Variants in COL4A2 observed in about 807,000 individuals in gnomAD.
COL4A2 encodes collagen type IV alpha 2 chain, also known as collagen alpha-2(IV) chain.
In COL4A2, 99 loss-of-function variants were observed where a neutral mutation model predicts 200.2. The ratio of observed to expected loss-of-function variants is 0.49; its 90% CI spans 0.42 to 0.58. COL4A2 has a LOEUF of 0.58. Ranked by LOEUF, COL4A2 falls within the 20% of genes least tolerant of loss-of-function variation. The pLI, the probability that COL4A2 is intolerant of heterozygous loss-of-function variation, is 0.00. For missense variants in COL4A2, 1,950 were observed against 2,314.1 expected, an observed-to-expected ratio of 0.84 and a Z score of 3.23; for synonymous variants, 897 against 900.6, an observed-to-expected ratio of 1.00 and a Z score of 0.07.
chr13:110,511,671 G>A (rs759889789), intron 47 of COL4A2, among the ~76,000 whole-genome samples: 4 of 152,258 alleles, frequency 2.6e-5, no homozygotes, highest in Non-Finnish European at 5.9e-5. Context: ...TTACCGAACG[G>A]CCAGCCTGGC....
At chr13:110,421,174 G>T (rs974831775) in intron 4 of COL4A2, among the ~76,000 whole-genome samples, 1 of 152,176 alleles carries the variant, frequency 6.6e-6, no homozygotes, top group African/African-American at 2.4e-5. Context: ...TGTGGAAAAA[G>T]AAATTTAGCA....
chr13:110,452,848 C>T (rs749319744), intron 20 of COL4A2, among the ~76,000 whole-genome samples: 3 of 152,084 alleles, frequency 2.0e-5, no homozygotes, highest in Non-Finnish European at 4.4e-5. Context: ...CTGCAACCTC[C>T]ACCTCGTGGG....
intron 3 of COL4A2, among the ~76,000 whole-genome samples, chr13:110,336,164 C>T (rs556119610): frequency 6.6e-6 from 1 of 152,292 alleles, no homozygotes; most frequent in African/African-American, 2.4e-5. Context: ...TGCTCTAATA[C>T]ATTGAAGTAG....
At chr13:110,491,438 C>G in intron 37 of COL4A2, 98 bp downstream of exon 37, 1 of 837,346 alleles carries the variant, frequency 1.2e-6, no homozygotes. Flanking sequence ...CAATCACACC[C>G]AACCCTGGAA....
chr13:110,387,581 G>T lies in COL4A2; in HGVS notation c.180+30029G>T, dbSNP rs140317319. ...AGGCAGCCCAGCAGTCGGGGGCCCC[G>T]AGCTGGGGAGGAACGCAGGCGGCTG... On this transcript the variant is annotated intron_variant, in intron 4 of 47. Coordinates refer to ENST00000360467, the MANE Select transcript of COL4A2 (RefSeq NM_001846.4). Among the ~76,000 whole-genome samples, 642 of 152,378 alleles carry T rather than the reference G, an allele frequency of 4.2e-3. 5 individuals carry two copies. The highest frequency in any genetic ancestry group is 6.9e-3 in the Non-Finnish European group (469 of 68,032).
At chr13:110,360,707 C>T (rs145851347) in intron 4 of COL4A2, among the ~76,000 whole-genome samples, 5 of 152,294 alleles carry the variant, frequency 3.3e-5, no homozygotes, top group African/African-American at 1.2e-4. Context: ...GTTATCCAGA[C>T]GGGTTATCAA....
At chr13:110,470,604 C>A (rs1200259738) in intron 28 of COL4A2, among the ~76,000 whole-genome samples, 1 of 152,150 alleles carries the variant, frequency 6.6e-6, no homozygotes, top group Non-Finnish European at 1.5e-5. Context: ...CTTCTAGGAC[C>A]CCCACTTATC....
chr13:110,456,844 G>A (rs751620217), intron 20 of COL4A2: 17 of 455,998 alleles, frequency 3.7e-5, no homozygotes, highest in African/African-American at 2.4e-4. Context: ...CCAGGCGTCC[G>A]TGGGGCTGAT....
intron 3 of COL4A2, among the ~76,000 whole-genome samples, chr13:110,318,193 A>G (rs935959191): frequency 6.6e-6 from 1 of 152,204 alleles, no homozygotes. Context: ...CGTTCATTAA[A>G]TGAACATGTC....
chr13:110,359,948 G>A (rs368876726), intron 4 of COL4A2, among the ~76,000 whole-genome samples: 2 of 152,196 alleles, frequency 1.3e-5, no homozygotes, highest in Non-Finnish European at 2.9e-5. Flanking sequence ...CTGCTGTGGG[G>A]ACTTTATGGT....
intron 4 of COL4A2, among the ~76,000 whole-genome samples, chr13:110,393,170 A>G (rs1385112482): frequency 6.6e-6 from 1 of 152,258 alleles, no homozygotes; most frequent in Non-Finnish European, 1.5e-5. Flanking sequence ...AATGCTGAAT[A>G]CAGTTCATCT....
intron 4 of COL4A2, among the ~76,000 whole-genome samples, chr13:110,379,182 G>A (rs918233739): frequency 6.6e-6 from 1 of 152,182 alleles, no homozygotes; most frequent in African/African-American, 2.4e-5. Context: ...TGTGGAGAGG[G>A]TGTTTCTGGC....
chr13:110,325,705 G>A (rs1370972805), intron 3 of COL4A2, among the ~76,000 whole-genome samples: 1 of 152,136 alleles, frequency 6.6e-6, no homozygotes, highest in African/African-American at 2.4e-5. Flanking sequence ...TTCGGGACAC[G>A]GAAGCTACAC....
Position 110,438,679 on chromosome 13 carries a change from C to T in COL4A2, c.912+11C>T. On this transcript the variant is annotated intron_variant, in intron 15 of 47. Coordinates refer to ENST00000360467, the MANE Select transcript of COL4A2 (RefSeq NM_001846.4). ...TTTCCTGGACTGAGGGTAAACCACG[C>T]CTTTTATAACTGCAGTTGTCGGTTT... The T allele has an allele frequency of 3.7e-6, 6 of 1,614,134 alleles. No individual in the cohort carries two copies. Among genetic ancestry groups the T allele is most frequent in the Non-Finnish European group, 5.1e-6 (6 of 1,180,000 alleles).
intron 4 of COL4A2, among the ~76,000 whole-genome samples, chr13:110,390,803 G>A (rs1392682586): frequency 1.3e-5 from 2 of 152,166 alleles, no homozygotes; most frequent in Admixed American, 6.5e-5. Context: ...TGAGTAATCC[G>A]CTTGTTTAGG....
At chr13:110,477,981 C>G in intron 29 of COL4A2, 22 bp from the exon 30 acceptor site, 1 of 1,534,220 alleles carries the variant, frequency 6.5e-7, no homozygotes, top group South Asian at 1.2e-5. Flanking sequence ...GCCCCCACAG[C>G]TCTTGTCTCT....
chr13:110,504,621 T>C (rs1265791789), intron 45 of COL4A2, among the ~76,000 whole-genome samples: 1 of 152,196 alleles, frequency 6.6e-6, no homozygotes, highest in African/African-American at 2.4e-5. Context: ...TTTTTCTTTT[T>C]TGGACAGAGT....
At chr13:110,474,676 TAC>T (rs113248165) in intron 29 of COL4A2, among the ~76,000 whole-genome samples, 2 of 56,024 alleles carry the variant, frequency 3.6e-5, no homozygotes, top group Admixed American at 1.7e-4. Context: ...TCACACTCCT[TAC>T]ACACGTACCC....
In COL4A2 at chr13:110,497,940, C is replaced by G. The variant is rs1229508107; in HGVS notation, c.3760+2473C>G. Among the ~76,000 whole-genome samples the G allele has an allele frequency of 3.5e-4, 32 of 92,276 alleles. 1 individual carries two copies. Among genetic ancestry groups the G allele is most frequent in the African/African-American group, 1.2e-3 (23 of 19,552 alleles). The allele number at this position is 92,276 out of a possible 152,430, so 60.5% of individuals were successfully genotyped here. Reference sequence around the variant, plus strand: ...GGGGTGAGGATCTGGGGTCAGTCCACCAGCACAGCCTCAGTCAGGGGTGAG... The same window carrying G: ...GGGGTGAGGATCTGGGGTCAGTCCAGCAGCACAGCCTCAGTCAGGGGTGAG... On this transcript the variant is annotated intron_variant, in intron 40 of 47. Transcript: ENST00000360467.
Sources: allele counts gnomAD v4.1 joint callset (sites outside exome capture counted in the v4.1 genomes callset), GRCh38; gene constraint gnomAD v4.1.1; transcripts MANE v1.5; gene names NCBI Gene and HGNC (gene_info 2026-07-23, HGNC 2026-07-21).